PPTC7: variants seen among roughly 807,000 people sequenced by gnomAD.
PPTC7 encodes protein phosphatase targeting COQ7.
A neutral mutation model predicts 30.8 loss-of-function variants in PPTC7; 6 were observed. That is an observed-to-expected ratio of 0.19 (90% CI 0.11 to 0.38). The LOEUF (loss-of-function observed/expected upper bound fraction) is 0.38, where lower values mean the gene tolerates loss of function less well. Ranked by LOEUF, PPTC7 falls within the 10% of genes least tolerant of loss-of-function variation. PPTC7 has a pLI of 1.00. For missense variants in PPTC7, 218 were observed against 404.8 expected, an observed-to-expected ratio of 0.54 and a Z score of 3.96; for synonymous variants, 163 against 168.1, an observed-to-expected ratio of 0.97 and a Z score of 0.23.
intron 2 of PPTC7, 112 bp from the exon 3 acceptor site, chr12:110,546,190 T>A: frequency 1.2e-6 from 1 of 804,748 alleles, no homozygotes; most frequent in Non-Finnish European, 2.0e-6. Flanking sequence ...CTCCTTTGCC[T>A]AAACAGGACC....
intron 1 of PPTC7, among the ~76,000 whole-genome samples, chr12:110,577,445 T>G (rs935867802): frequency 6.6e-6 from 1 of 152,122 alleles, no homozygotes; most frequent in Non-Finnish European, 1.5e-5. Flanking sequence ...AGGTGACTAC[T>G]TTTTTAAAAG....
At chr12:110,562,722 A>G (rs1157644308) in intron 1 of PPTC7, among the ~76,000 whole-genome samples, 2 of 151,800 alleles carry the variant, frequency 1.3e-5, no homozygotes, top group Non-Finnish European at 2.9e-5. Flanking sequence ...GAACCCAGGA[A>G]GCAGAGGTTG....
chr12:110,560,796 G>C (rs2064432526), intron 1 of PPTC7, among the ~76,000 whole-genome samples: 1 of 152,322 alleles, frequency 6.6e-6, no homozygotes, highest in South Asian at 2.1e-4. Flanking sequence ...CAAATATTAA[G>C]TAGTATCCAA....
intron 3 of PPTC7, among the ~76,000 whole-genome samples, chr12:110,544,278 G>C (rs2064287953): frequency 6.6e-6 from 1 of 152,214 alleles, no homozygotes; most frequent in Non-Finnish European, 1.5e-5. Context: ...CAGTTTAAAA[G>C]ATGGCAATAA....
intron 1 of PPTC7, among the ~76,000 whole-genome samples, chr12:110,577,150 G>C (rs2135797231): frequency 6.9e-6 from 1 of 144,980 alleles, no homozygotes. Context: ...CTGGGCACAA[G>C]GGCGAGACTC....
chr12:110,546,010 C>T lies in PPTC7; in HGVS notation c.472G>A (p.Asp158Asn). 1.9e-6 allele frequency: 3 copies of T among 1,614,216 alleles called. No individual in the cohort carries two copies. The highest frequency in any genetic ancestry group is 8.5e-7 in the Non-Finnish European group (1 of 1,180,032). ...CCCCTGACAACCAGGAAGCCTGAAT[C>T]GCCCAGGTTTGCTGTGTGTAAGCGG... Reference protein sequence around the residue: ...SHRLHTANLGDSGFLVVRGGE... With the variant: ...SHRLHTANLGNSGFLVVRGGE... Residue 158 changes from aspartate to asparagine, a missense_variant, in exon 3 of 6, where the codon GAT becomes AAT. Coordinates refer to ENST00000354300, the MANE Select transcript of PPTC7 (RefSeq NM_139283.2).
chr12:110,537,016 A>G lies in PPTC7; in HGVS notation c.*21T>C. 13 of 1,598,556 alleles carry G rather than the reference A, an allele frequency of 8.1e-6. No individual in the cohort carries two copies. Among genetic ancestry groups the G allele is most frequent in the Non-Finnish European group, 1.0e-5 (12 of 1,166,700 alleles). ...GGGAAATTTGGGATGATGAAAGGAA[A>G]GGCAGGACTTGACACCTCAGCTAGT... On this transcript the variant is annotated 3_prime_UTR_variant, in exon 6 of 6. Coordinates refer to ENST00000354300, the MANE Select transcript of PPTC7 (RefSeq NM_139283.2).
chr12:110,562,057 A>T (rs1393502691), intron 1 of PPTC7, among the ~76,000 whole-genome samples: 2 of 152,114 alleles, frequency 1.3e-5, no homozygotes, highest in Non-Finnish European at 2.9e-5. Context: ...TTGAGGCTGC[A>T]GTGAGCTATC....
chr12:110,552,501 A>T (rs1207030244), intron 1 of PPTC7, among the ~76,000 whole-genome samples: 2 of 152,222 alleles, frequency 1.3e-5, no homozygotes, highest in Non-Finnish European at 2.9e-5. Context: ...ACAATACAAC[A>T]GCCATTCCTT....
intron 1 of PPTC7, among the ~76,000 whole-genome samples, chr12:110,563,588 C>T (rs1298123164): frequency 6.6e-6 from 1 of 151,660 alleles, no homozygotes; most frequent in Non-Finnish European, 1.5e-5. Flanking sequence ...GCACGCCAGC[C>T]TGGGCAACAA....
In PPTC7 at chr12:110,534,446, G is replaced by T. The variant is rs2064203190; in HGVS notation, c.*2591C>A. The stretch of plus-strand genomic sequence containing the variant: ...AAAATATAATTAACACACACATCAG[G>T]TTCAGAATCAGACCCACCAAGTGGT... On this transcript the variant is annotated 3_prime_UTR_variant, in exon 6 of 6. Transcript: ENST00000354300. The T allele has an allele frequency of 6.6e-6, 1 of 151,704 alleles. No individual in the cohort carries two copies. Among genetic ancestry groups the T allele is most frequent in the South Asian group, 2.1e-4 (1 of 4,802 alleles). 9.4% of individuals were successfully genotyped at this position (151,704 alleles called of 1,614,324 possible).
At chr12:110,565,966 AGAG>A (rs1294729056) in intron 1 of PPTC7, among the ~76,000 whole-genome samples, 1 of 152,254 alleles carries the variant, frequency 6.6e-6, no homozygotes, top group Non-Finnish European at 1.5e-5. Flanking sequence ...GAGTTGTAGG[AGAG>A]GAGGCTGACA....
intron 4 of PPTC7, 24 bp downstream of exon 4, chr12:110,539,798 A>G (rs563422889): frequency 6.2e-7 from 1 of 1,610,482 alleles, no homozygotes; most frequent in South Asian, 1.1e-5. Context: ...ACTTTTCCCA[A>G]GAGCTAACCT....
chr12:110,551,817 C>CTCACA lies in PPTC7; in HGVS notation c.370_374dup (p.Glu125AspfsTer76). 6.2e-7 allele frequency: 1 copy of CTCACA among 1,614,022 alleles called. No individual in the cohort carries two copies. Among genetic ancestry groups the CTCACA allele is most frequent in the Non-Finnish European group, 8.5e-7 (1 of 1,179,902 alleles). ...GCAAAGGGACTTTATTTTGCAGCAA[C>CTCACA]TCACAGTAGCTTGTGGTGAGAATTC... On this transcript the variant is annotated frameshift_variant, in exon 2 of 6. Transcript: ENST00000354300. LOFTEE classifies it high-confidence loss of function.
At chr12:110,582,594 G>A (rs1046399891) in intron 1 of PPTC7, among the ~76,000 whole-genome samples, 1 of 152,212 alleles carries the variant, frequency 6.6e-6, no homozygotes, top group Admixed American at 6.5e-5. Context: ...CTTGACCGCT[G>A]TGCGCCTTAG....
At chr12:110,563,141 A>C (rs2064452896) in intron 1 of PPTC7, among the ~76,000 whole-genome samples, 1 of 151,036 alleles carries the variant, frequency 6.6e-6, no homozygotes. Context: ...AAAAAAAAAA[A>C]AAAAAAAGAA....
rs189050656 is a variant in PPTC7, at chr12:110,576,767, G to A, written c.223+6042C>T. The stretch of plus-strand genomic sequence containing the variant: ...GGTGATGAAAAACATTCTGGAACTA[G>A]ATAGTGGCAGTGGCTGTACAACTTT... On this transcript the variant is annotated intron_variant, in intron 1 of 5. Transcript: ENST00000354300. Among the ~76,000 whole-genome samples, 85 of 152,284 alleles carry A rather than the reference G, an allele frequency of 5.6e-4. 1 individual carries two copies. Among genetic ancestry groups the A allele is most frequent in the African/African-American group, 2.0e-3 (84 of 41,560 alleles).
chr12:110,561,802 A>C (rs1350981423), intron 1 of PPTC7, among the ~76,000 whole-genome samples: 1 of 152,068 alleles, frequency 6.6e-6, no homozygotes, highest in African/African-American at 2.4e-5. Flanking sequence ...TACTAAAAAT[A>C]CAAAAAATTA....
At chr12:110,556,686 G>A (rs1327105508) in intron 1 of PPTC7, among the ~76,000 whole-genome samples, 1 of 152,174 alleles carries the variant, frequency 6.6e-6, no homozygotes, top group Non-Finnish European at 1.5e-5. Context: ...TACCCTAAGA[G>A]CAAATGGAGG....
Sources: allele counts gnomAD v4.1 joint callset (sites outside exome capture counted in the v4.1 genomes callset), GRCh38; gene constraint gnomAD v4.1.1; transcripts MANE v1.5; gene names NCBI Gene and HGNC (gene_info 2026-07-23, HGNC 2026-07-21).